The following RGS6 variants were observed in gnomAD, a reference collection of about 807,000 sequenced individuals.
RGS6 encodes the protein regulator of G protein signaling 6.
A neutral mutation model predicts 78.5 loss-of-function variants in RGS6; 30 were observed. The ratio of observed to expected loss-of-function variants is 0.38; its 90% CI spans 0.29 to 0.52. The LOEUF is 0.52. Among genes scored for constraint, RGS6 ranks in the 20% least tolerant of loss-of-function variants. The pLI is 0.85. For synonymous variants in RGS6, 206 were observed against 206.0 expected (o/e 1.00, Z 0.00); for missense variants, 495 against 609.7 (o/e 0.81, Z 1.98).
At chr14:72,402,787 T>C (rs1192571790) in intron 3 of RGS6, among the ~76,000 whole-genome samples, 2 of 145,608 alleles carry the variant, frequency 1.4e-5, no homozygotes, top group Non-Finnish European at 3.0e-5. Flanking sequence ...TTTTGTTTTT[T>C]TGGTTTTTTT....
chr14:72,410,148 C>T (rs978526999), intron 3 of RGS6, among the ~76,000 whole-genome samples: 1 of 152,210 alleles, frequency 6.6e-6, no homozygotes, highest in Non-Finnish European at 1.5e-5. Context: ...CACCAACTTC[C>T]ACAATGGTTG....
chr14:72,210,339 G>T (rs1412415900), intron 2 of RGS6, among the ~76,000 whole-genome samples: 1 of 152,074 alleles, frequency 6.6e-6, no homozygotes, highest in East Asian at 1.9e-4. Flanking sequence ...AGTTCAGGTT[G>T]CTTGTATTTT....
chr14:72,356,997 G>A (rs544132117), intron 3 of RGS6, among the ~76,000 whole-genome samples: 106 of 152,290 alleles, frequency 7.0e-4, no homozygotes, highest in African/African-American at 2.3e-3. Flanking sequence ...GCAGCCAGGC[G>A]CGGTGGCTCA....
At chr14:72,470,879 CAAAA>C (rs34084675) in intron 8 of RGS6, among the ~76,000 whole-genome samples, 3 of 112,540 alleles carry the variant, frequency 2.7e-5, no homozygotes, top group African/African-American at 1.1e-4. Flanking sequence ...AACTCCCTCT[CAAAA>C]AAAAAAAAAA....
chr14:72,317,867 G>A (rs555496013), intron 2 of RGS6, among the ~76,000 whole-genome samples: 23 of 152,216 alleles, frequency 1.5e-4, no homozygotes, highest in African/African-American at 3.6e-4. Context: ...TAACTTACAC[G>A]ATTACAAGGT....
intron 2 of RGS6, among the ~76,000 whole-genome samples, chr14:72,325,873 G>A (rs1490828413): frequency 1.3e-5 from 2 of 152,100 alleles, no homozygotes; most frequent in African/African-American, 4.8e-5. Context: ...CATTGACAAG[G>A]ATCAAAAAGT....
chr14:72,430,081 C>G (rs2094566635), intron 3 of RGS6, among the ~76,000 whole-genome samples: 1 of 152,188 alleles, frequency 6.6e-6, no homozygotes, highest in Non-Finnish European at 1.5e-5. Context: ...CAGTCTCTGG[C>G]AGTTCTTTAC....
chr14:72,242,562 G>C (rs769587499), intron 2 of RGS6, among the ~76,000 whole-genome samples: 22 of 152,098 alleles, frequency 1.4e-4, no homozygotes, highest in Non-Finnish European at 2.8e-4. Flanking sequence ...GAAATGTATT[G>C]AATATTAGTA....
At position 72,454,590 on chromosome 14, in the gene RGS6, T is replaced by G. The variant is rs760613893; in HGVS notation, c.235+12T>G. Reference sequence around the variant, plus strand: ...CATTGAGGACCCAGGTACTTGACCTTTGACCCCACCCTTATCTCCCCTGGT... The same window carrying G: ...CATTGAGGACCCAGGTACTTGACCTGTGACCCCACCCTTATCTCCCCTGGT... On this transcript the variant is annotated intron_variant, in intron 4 of 17. Coordinates refer to ENST00000553525, the MANE Select transcript of RGS6 (RefSeq NM_001204424.2). The G allele has an allele frequency of 1.2e-6, 2 of 1,612,770 alleles. No homozygotes were observed. The highest frequency in any genetic ancestry group is 1.7e-5 in the Admixed American group (1 of 59,950).
intron 3 of RGS6, among the ~76,000 whole-genome samples, chr14:72,411,600 T>TA: frequency 6.6e-6 from 1 of 152,310 alleles, no homozygotes; most frequent in East Asian, 1.9e-4. Context: ...CTTCCAACAC[T>TA]ATGTTGAATA....
chr14:72,099,249 T>A (rs1355982724), intron 2 of RGS6, among the ~76,000 whole-genome samples: 1 of 152,062 alleles, frequency 6.6e-6, no homozygotes, highest in Non-Finnish European at 1.5e-5. Context: ...AAGCTCTGCC[T>A]CCTGGGTTCA....
intron 3 of RGS6, among the ~76,000 whole-genome samples, chr14:72,442,769 G>A (rs556305776): frequency 6.6e-6 from 1 of 152,306 alleles, no homozygotes; most frequent in South Asian, 2.1e-4. Context: ...AGGGGAGCCT[G>A]GATTCATACC....
intron 2 of RGS6, among the ~76,000 whole-genome samples, chr14:71,984,905 ATAAAG>A (rs1306765242): frequency 3.3e-5 from 5 of 152,230 alleles, no homozygotes; most frequent in African/African-American, 9.6e-5. Flanking sequence ...GAATCAAAAT[ATAAAG>A]TAGAGAAAAA....
intron 3 of RGS6, among the ~76,000 whole-genome samples, chr14:72,444,394 G>C (rs1203061861): frequency 2.7e-5 from 4 of 150,108 alleles, no homozygotes; most frequent in African/African-American, 1.0e-4. Context: ...ATGGGGCTTG[G>C]GGGAGAACAG....
intron 15 of RGS6, among the ~76,000 whole-genome samples, chr14:72,525,658 A>T (rs1170842812): frequency 6.6e-6 from 1 of 152,224 alleles, no homozygotes; most frequent in East Asian, 1.9e-4. Flanking sequence ...GTTTGCCCAG[A>T]TTATTCAGAA....
At chr14:72,384,096 A>G (rs866653836) in intron 3 of RGS6, among the ~76,000 whole-genome samples, 10 of 152,350 alleles carry the variant, frequency 6.6e-5, no homozygotes, top group Middle Eastern at 3.4e-3. Flanking sequence ...TGATCGTATA[A>G]TAAGTGCCTA....
At chr14:72,108,008 A>G (rs926994406) in intron 2 of RGS6, among the ~76,000 whole-genome samples, 2 of 152,134 alleles carry the variant, frequency 1.3e-5, no homozygotes, top group African/African-American at 4.8e-5. Flanking sequence ...TCTTCCATTT[A>G]ACCCCCATTT....
the RGS6 span, among the ~76,000 whole-genome samples, chr14:71,913,016 A>G: frequency 3.3e-5 from 5 of 151,670 alleles, no homozygotes; most frequent in Non-Finnish European, 7.4e-5. Context: ...TTTAGTAGAG[A>G]GGGGGTTTCA....
chr14:72,049,608 C>T (rs141952373), intron 2 of RGS6, among the ~76,000 whole-genome samples: 1 of 152,330 alleles, frequency 6.6e-6, no homozygotes, highest in East Asian at 1.9e-4. Context: ...GGACATGTCA[C>T]TGCCAACAAC....
Sources: allele counts gnomAD v4.1 joint callset (sites outside exome capture counted in the v4.1 genomes callset), GRCh38; gene constraint gnomAD v4.1.1; transcripts MANE v1.5; gene names NCBI Gene and HGNC (gene_info 2026-07-23, HGNC 2026-07-21).